Variants in SLC36A4 observed in about 807,000 individuals in gnomAD.
The protein encoded by SLC36A4 is solute carrier family 36 member 4, also known as neutral amino acid uniporter 4.
SLC36A4 carries 49 observed loss-of-function variants against 50.5 expected under a neutral mutation model. The ratio of observed to expected loss-of-function variants is 0.97; its 90% confidence interval spans 0.77 to 1.23. The LOEUF (loss-of-function observed/expected upper bound fraction) is 1.23. Among genes scored for constraint, SLC36A4 ranks in the 50% most tolerant of loss-of-function variants. The pLI, the probability that SLC36A4 is intolerant of heterozygous loss-of-function variation, is 0.00. For synonymous variants in SLC36A4, 207 were observed against 206.5 expected (o/e 1.00, Z -0.02); for missense variants, 611 against 608.4 (o/e 1.00, Z -0.05).
chr11:93,148,891 CT>C (rs750681632), intron 10 of SLC36A4, 47 bp from the exon 11 acceptor site: 1 of 1,501,244 alleles, frequency 6.7e-7, no homozygotes, highest in East Asian at 2.4e-5. Context: ...ATGTTTGTTA[CT>C]TACATGAATA....
chr11:93,182,686 C>T, intron 4 of SLC36A4, 120 bp downstream of exon 4: 4 of 571,744 alleles, frequency 7.0e-6, no homozygotes, highest in Admixed American at 3.6e-5. Flanking sequence ...TATTCATTAC[C>T]TTAGATTTAT....
Position 93,148,594 on chromosome 11 carries a change from A to C in SLC36A4, c.1458T>G (p.Thr486=). 1.2e-6 allele frequency: 2 copies of C among 1,612,832 alleles called. No homozygotes were observed. Among genetic ancestry groups the C allele is most frequent in the Non-Finnish European group, 1.7e-6 (2 of 1,179,252 alleles). Residue 486 remains threonine, a synonymous_variant, in exon 11 of 11, where the codon ACT becomes ACG. Transcript: ENST00000326402. The part of the protein sequence containing the change: ...IYPTPKVVAG[T]PQSPFLNLNS... ...TCAAATTTAGAAAAGGACTCTGTGG[A>C]GTGCCAGCTACAACTTTGGGAGTAG... is the stretch of plus-strand genomic sequence containing the variant.
intron 9 of SLC36A4, chr11:93,160,636 G>C (rs1860576709): frequency 1.0e-6 from 1 of 985,338 alleles, no homozygotes; most frequent in East Asian, 1.1e-4. Flanking sequence ...ACATTCTTAT[G>C]TGCCTGGTAA....
chr11:93,155,485 G>C (rs925773030), intron 9 of SLC36A4: 1 of 151,944 alleles, frequency 6.6e-6, no homozygotes, highest in Non-Finnish European at 1.5e-5. Flanking sequence ...CATTAATGAA[G>C]CTTTAAGTAT....
chr11:93,179,467 G>C (rs1030459482), intron 6 of SLC36A4, among the ~76,000 whole-genome samples: 7 of 152,186 alleles, frequency 4.6e-5, no homozygotes, highest in Admixed American at 3.3e-4. Context: ...TCTGGCTAGA[G>C]ATAAAGAAAA....
chr11:93,197,972 C>T lies in SLC36A4; in HGVS notation c.-140G>A, dbSNP rs1218873227. Reference sequence around the variant, plus strand: ...GCCTCCCTGCCCCGGCGCTCCCCAACCGCGCGGCGAGGAGCATGCGCAGTG... The same window carrying T: ...GCCTCCCTGCCCCGGCGCTCCCCAATCGCGCGGCGAGGAGCATGCGCAGTG... On this transcript the variant is annotated 5_prime_UTR_variant, in exon 1 of 11. Coordinates refer to ENST00000326402, the MANE Select transcript of SLC36A4 (RefSeq NM_152313.4). 7.8e-6 allele frequency: 7 copies of T among 893,358 alleles called. No homozygotes were observed. In the Admixed American group the frequency reaches 1.7e-4, roughly 21 times the overall value. 55.3% of individuals were successfully genotyped at this position (893,358 alleles called of 1,614,324 possible).
chr11:93,182,877 A>G lies in SLC36A4; in HGVS notation c.288T>C (p.Leu96=). Residue 96 remains leucine (L), a synonymous_variant, in exon 4 of 11, where the codon CTT becomes CTC. Transcript: ENST00000326402. ...GAACAGAAATAATTCCTATAAACAC[A>G]AGGCTGATTGGTCCAAGCTGTGGGG... ...NAGIVLGPIS[L]VFIGIISVHC... 1 of 1,611,588 alleles carries G rather than the reference A, an allele frequency of 6.2e-7. No individual in the cohort carries two copies. Among genetic ancestry groups the G allele is most frequent in the Non-Finnish European group, 8.5e-7 (1 of 1,178,910 alleles).
rs914448108 is a variant in SLC36A4 at position 93,197,567 on chromosome 11, T to G, written c.55+211A>C. On this transcript the variant is annotated intron_variant, in intron 1 of 10. Transcript: ENST00000326402. Reference sequence around the variant, plus strand: ...GCGCGCGCAAACACACACACACATATTTTAACGCCCTATTCAGGCCTGGGC... The same window carrying G: ...GCGCGCGCAAACACACACACACATAGTTTAACGCCCTATTCAGGCCTGGGC... 68 of 579,300 alleles carry G rather than the reference T, an allele frequency of 1.2e-4. No individual in the cohort carries two copies. The African/African-American group carries it at 1.2e-3, about 11-fold the overall frequency. 35.9% of individuals were successfully genotyped at this position (579,300 alleles called of 1,614,324 possible).
At position 93,173,515 on chromosome 11, in the gene SLC36A4, C is replaced by G. The variant is rs1269577388; in HGVS notation, c.541-5344G>C. On this transcript the variant is annotated intron_variant, in intron 6 of 10. Coordinates refer to ENST00000326402, the MANE Select transcript of SLC36A4 (RefSeq NM_152313.4). Reference sequence around the variant, plus strand: ...CTTTTGGTGTTTTGGACATGAAGTCCTTGCACATGCCTATGTCCTGAACGG... The same window carrying G: ...CTTTTGGTGTTTTGGACATGAAGTCGTTGCACATGCCTATGTCCTGAACGG... 1.0e-4 allele frequency among the ~76,000 whole-genome samples: 15 copies of G among 149,304 alleles called. 1 individual carries two copies. The highest frequency in any genetic ancestry group is 5.4e-4 in the Admixed American group (8 of 14,868).
In SLC36A4 at chr11:93,148,416, T is replaced by C. The variant is rs901361513; in HGVS notation, c.*121A>G. On this transcript the variant is annotated 3_prime_UTR_variant, in exon 11 of 11. Coordinates refer to ENST00000326402, the MANE Select transcript of SLC36A4 (RefSeq NM_152313.4). The stretch of plus-strand genomic sequence containing the variant: ...GTTATGATTACTTCCAAAATATTAA[T>C]ATCGTGCCAAAGAAAACAGAGTTTG... The C allele has an allele frequency of 9.1e-6, 8 of 881,334 alleles. No individual in the cohort carries two copies. Among genetic ancestry groups the C allele is most frequent in the Non-Finnish European group, 1.4e-5 (8 of 559,622 alleles). The allele number at this position is 881,334 out of a possible 1,614,324, so 54.6% of individuals were successfully genotyped here. A position where few individuals can be genotyped will look rare whatever the true frequency, so the allele number is the denominator to read the frequency against.
chr11:93,186,627 T>C (rs1861993980), intron 1 of SLC36A4, among the ~76,000 whole-genome samples: 1 of 152,228 alleles, frequency 6.6e-6, no homozygotes, highest in Non-Finnish European at 1.5e-5. Flanking sequence ...CCTGTCTCTG[T>C]TCCTTAGTTT....
At chr11:93,173,229 CT>C (rs1396943132) in intron 6 of SLC36A4, among the ~76,000 whole-genome samples, 3 of 139,502 alleles carry the variant, frequency 2.2e-5, no homozygotes, top group Non-Finnish European at 3.1e-5. Context: ...TGTTTTTTGG[CT>C]GCATAAATGT....
At chr11:93,176,172 T>G (rs1364075994) in intron 6 of SLC36A4, among the ~76,000 whole-genome samples, 1 of 152,030 alleles carries the variant, frequency 6.6e-6, no homozygotes, top group East Asian at 1.9e-4. Context: ...TTAGCTCTTC[T>G]TGTTGAATTG....
At chr11:93,153,421 T>C (rs1860194992) in intron 10 of SLC36A4, among the ~76,000 whole-genome samples, 1 of 152,110 alleles carries the variant, frequency 6.6e-6, no homozygotes. Flanking sequence ...AGTTTTATCT[T>C]CATTTCACAG....
intron 1 of SLC36A4, among the ~76,000 whole-genome samples, chr11:93,195,146 T>C (rs966726385): frequency 2.0e-5 from 3 of 150,994 alleles, no homozygotes; most frequent in South Asian, 2.1e-4. Context: ...TTATCTAGTA[T>C]TGAAGTCATA....
chr11:93,171,425 AT>A (rs1054320577), intron 6 of SLC36A4: 1 of 152,076 alleles, frequency 6.6e-6, no homozygotes, highest in African/African-American at 2.4e-5. Context: ...CAATTAACAT[AT>A]TGGAAGTGAC....
chr11:93,173,980 G>T, intron 6 of SLC36A4, among the ~76,000 whole-genome samples: 1 of 147,616 alleles, frequency 6.8e-6, no homozygotes. Context: ...CCAATTCTGT[G>T]AAGAAAGTCA....
chr11:93,163,301 C>A (rs1860715639), intron 8 of SLC36A4, among the ~76,000 whole-genome samples: 1 of 152,166 alleles, frequency 6.6e-6, no homozygotes, highest in Non-Finnish European at 1.5e-5. Context: ...ATTTGGATTT[C>A]ATTAGTTTTT....
At chr11:93,193,295 A>G (rs1373153350) in intron 1 of SLC36A4, among the ~76,000 whole-genome samples, 1 of 152,158 alleles carries the variant, frequency 6.6e-6, no homozygotes, top group African/African-American at 2.4e-5. Context: ...AACAGAGTTA[A>G]GAATATATGA....
Sources: allele counts gnomAD v4.1 joint callset (sites outside exome capture counted in the v4.1 genomes callset), GRCh38; gene constraint gnomAD v4.1.1; transcripts MANE v1.5; gene names NCBI Gene and HGNC (gene_info 2026-07-23, HGNC 2026-07-21).